The following MINDY4 variants were observed in gnomAD, a reference collection of about 807,000 sequenced individuals.
The protein encoded by MINDY4 is MINDY lysine 48 deubiquitinase 4, also known as probable ubiquitin carboxyl-terminal hydrolase MINDY-4.
Under a neutral mutation model 87.0 loss-of-function variants are expected in MINDY4, and 68 were observed. The ratio of observed to expected loss-of-function variants is 0.78; its 90% CI spans 0.64 to 0.96. The LOEUF (loss-of-function observed/expected upper bound fraction) is 0.96, where lower values mean the gene tolerates loss of function less well. MINDY4 is among the 40% of genes least tolerant of loss of function. MINDY4 has a pLI of 0.00. For missense variants in MINDY4, 919 were observed against 928.2 expected (o/e 0.99, Z 0.13); for synonymous variants, 379 against 363.2 (o/e 1.04, Z -0.50).
chr7:30,852,397 C>T, intron 11 of MINDY4, 118 bp downstream of exon 11: 1 of 1,532,934 alleles, frequency 6.5e-7, no homozygotes. Context: ...GCCCAGGTCC[C>T]AGGAATCCTC....
intron 5 of MINDY4, among the ~76,000 whole-genome samples, chr7:30,827,820 A>G (rs1313862826): frequency 6.6e-6 from 1 of 152,214 alleles, no homozygotes; most frequent in Non-Finnish European, 1.5e-5. Flanking sequence ...CACCAGGGCA[A>G]GATTACGATT....
intron 15 of MINDY4, 92 bp downstream of exon 15, chr7:30,875,748 T>C: frequency 7.1e-7 from 1 of 1,401,342 alleles, no homozygotes. Context: ...GGACTCCACT[T>C]CTCAGAGCTG....
intron 1 of MINDY4, among the ~76,000 whole-genome samples, chr7:30,773,171 G>A (rs191431276): frequency 2.0e-5 from 3 of 152,314 alleles, no homozygotes; most frequent in East Asian, 3.9e-4. Flanking sequence ...CAGAGACCAC[G>A]TGCTCCCCAC....
At chr7:30,879,245 T>C (rs1312327161) in intron 15 of MINDY4, among the ~76,000 whole-genome samples, 1 of 152,188 alleles carries the variant, frequency 6.6e-6, no homozygotes, top group Non-Finnish European at 1.5e-5. Flanking sequence ...CAATCCAGTA[T>C]GGCTGGTATC....
rs772671203 is a variant in MINDY4, at chr7:30,791,258, G to T, written c.757G>T (p.Val253Phe). The change falls in exon 5 of 18, where the codon GTC becomes TTC. Residue 253 changes from valine (V) to phenylalanine (F), a missense_variant. By Grantham distance (50) the Val-to-Phe change is conservative. Transcript: ENST00000265299. Reference sequence around the variant, plus strand: ...GAGCCGGAAGGTCCCTGAGCTCTTTGTCTGCACCCAACAGGACATTCTGGC... The same window carrying T: ...GAGCCGGAAGGTCCCTGAGCTCTTTTTCTGCACCCAACAGGACATTCTGGC... ...EESRKVPELFVCTQQDILASS... is the reference protein window; with the variant it reads ...EESRKVPELFFCTQQDILASS... 10 of 1,614,032 alleles carry T rather than the reference G, an allele frequency of 6.2e-6. No individual in the cohort carries two copies. The African/African-American group carries it at 8.0e-5, about 13-fold the overall frequency.
chr7:30,875,226 T>C (rs1247789085), intron 14 of MINDY4, among the ~76,000 whole-genome samples: 1 of 152,220 alleles, frequency 6.6e-6, no homozygotes, highest in African/African-American at 2.4e-5. Flanking sequence ...GCCTGCAGCA[T>C]AGGACAGGGT....
rs191239811 is a variant in MINDY4 at position 30,877,294 on chromosome 7, C to T, written c.1971+1638C>T. On this transcript the variant is annotated intron_variant, in intron 15 of 17. Transcript: ENST00000265299. ...ATGAGCTCTGGTTTCATTCTTGGGT[C>T]GAGGGCGTTGGTCAGAGAGTAAACT... Among the ~76,000 whole-genome samples the T allele has an allele frequency of 2.1e-3, 324 of 152,128 alleles. 3 individuals carry two copies. Among genetic ancestry groups the T allele is most frequent in the African/African-American group, 7.5e-3 (313 of 41,492 alleles).
intron 15 of MINDY4, among the ~76,000 whole-genome samples, chr7:30,877,613 C>T (rs2128580221): frequency 6.6e-6 from 1 of 152,170 alleles, no homozygotes; most frequent in African/African-American, 2.4e-5. Flanking sequence ...TCAACCCCTG[C>T]CTTCCACTGA....
At chr7:30,852,633 G>C (rs954007366) in intron 11 of MINDY4, among the ~76,000 whole-genome samples, 1 of 152,120 alleles carries the variant, frequency 6.6e-6, no homozygotes, top group Non-Finnish European at 1.5e-5. Context: ...GTGGGGCAGG[G>C]GTGGTAAGGA....
chr7:30,885,479 G>A (rs551388220), intron 17 of MINDY4, among the ~76,000 whole-genome samples: 85 of 152,156 alleles, frequency 5.6e-4, no homozygotes, highest in African/African-American at 2.0e-3. Flanking sequence ...GCCATTGCAC[G>A]CCAGCCTGGG....
Position 30,892,254 on chromosome 7 carries a change from G to A in MINDY4, c.*249G>A. Reference sequence around the variant, plus strand: ...CTGAGTACTGGAAGGAGGTTGCCAGGGTCTCTGCTACCTTTGTCTGCATCC... The same window carrying A: ...CTGAGTACTGGAAGGAGGTTGCCAGAGTCTCTGCTACCTTTGTCTGCATCC... On this transcript the variant is annotated 3_prime_UTR_variant, in exon 18 of 18. Coordinates refer to ENST00000265299, the MANE Select transcript of MINDY4 (RefSeq NM_032222.3). 2.0e-6 allele frequency: 1 copy of A among 511,906 alleles called. No individual in the cohort carries two copies. Among genetic ancestry groups the A allele is most frequent in the South Asian group, 2.8e-5 (1 of 35,202 alleles). 31.7% of individuals were successfully genotyped at this position (511,906 alleles called of 1,614,324 possible). A position where few individuals can be genotyped will look rare whatever the true frequency, so the allele number is the denominator to read the frequency against.
chr7:30,850,836 C>A (rs906824816), intron 10 of MINDY4, among the ~76,000 whole-genome samples: 22 of 152,180 alleles, frequency 1.4e-4, no homozygotes, highest in African/African-American at 5.3e-4. Flanking sequence ...TCTGGGGTGA[C>A]CCCTCAGAGG....
rs572338536 is a variant in MINDY4, at chr7:30,788,777, A to C, written c.664-2388A>C. Among the ~76,000 whole-genome samples the C allele has an allele frequency of 7.9e-5, 12 of 152,330 alleles. No homozygotes were observed. The South Asian group carries it at 2.5e-3, about 32-fold the overall frequency. On this transcript the variant is annotated intron_variant, in intron 4 of 17. Coordinates refer to ENST00000265299, the MANE Select transcript of MINDY4 (RefSeq NM_032222.3). ...GCAGCCTAGATGGTCGTGCAGTGCC[A>C]GCTGCCATCCTCCACGGTCAGCGGA... is the stretch of plus-strand genomic sequence containing the variant.
At chr7:30,867,545 A>G (rs1003782140) in intron 13 of MINDY4, among the ~76,000 whole-genome samples, 2 of 152,188 alleles carry the variant, frequency 1.3e-5, no homozygotes, top group Non-Finnish European at 2.9e-5. Context: ...GAAATAACTG[A>G]TAAGTGGCAG....
At chr7:30,853,269 C>T (rs1460632914) in intron 11 of MINDY4, 125 bp from the exon 12 acceptor site, 2 of 749,296 alleles carry the variant, frequency 2.7e-6, no homozygotes, top group East Asian at 5.4e-5. Context: ...AGATGCTGCT[C>T]TCTGACGCAG....
chr7:30,786,042 G>T (rs765029647), intron 4 of MINDY4, 50 bp downstream of exon 4: 4 of 1,605,350 alleles, frequency 2.5e-6, no homozygotes, highest in Admixed American at 1.7e-5. Flanking sequence ...CTGAGAACTG[G>T]GCTGGGCTTA....
At chr7:30,798,504 CT>C (rs1242382024) in intron 5 of MINDY4, among the ~76,000 whole-genome samples, 4 of 149,754 alleles carry the variant, frequency 2.7e-5, no homozygotes, top group Admixed American at 6.6e-5. Context: ...TTACTTTCTT[CT>C]TTTTTTTTTG....
intron 4 of MINDY4, among the ~76,000 whole-genome samples, chr7:30,787,745 C>G (rs1249724591): frequency 1.3e-5 from 2 of 152,150 alleles, no homozygotes; most frequent in African/African-American, 4.8e-5. Context: ...TTAGGTAACC[C>G]ATCTGCTGGG....
chr7:30,864,283 G>T (rs900928316), intron 13 of MINDY4, among the ~76,000 whole-genome samples: 1 of 152,228 alleles, frequency 6.6e-6, no homozygotes, highest in African/African-American at 2.4e-5. Flanking sequence ...CTCCTCAAGA[G>T]ATTAAAAGCA....
Sources: gnomAD v4.1 joint callset for allele counts (sites outside exome capture counted in the v4.1 genomes callset) on GRCh38, gnomAD v4.1.1 for gene constraint, MANE v1.5 for transcripts, NCBI Gene and HGNC (gene_info 2026-07-23, HGNC 2026-07-21) for gene names.